RERE: variants seen among roughly 807,000 people sequenced by gnomAD.
The protein encoded by RERE is arginine-glutamic acid dipeptide repeats protein.
In RERE, 40 loss-of-function variants were observed where a neutral mutation model predicts 146.1. The observed-to-expected ratio is 0.27, with a 90% CI of 0.21 to 0.36. The LOEUF (loss-of-function observed/expected upper bound fraction) is 0.36. Ranked by LOEUF, RERE falls within the 10% of genes least tolerant of loss-of-function variation. The probability of loss-of-function intolerance (pLI) is 1.00; values close to 1 mark genes in which losing one functional copy is unlikely to be tolerated. For synonymous variants in RERE, 1,003 were observed against 866.0 expected (o/e 1.16, Z -2.78); for missense variants, 1,933 against 2,138.7 (o/e 0.90, Z 1.90).
intron 1 of RERE, among the ~76,000 whole-genome samples, chr1:8,784,134 C>T (rs971398319): frequency 3.3e-5 from 5 of 152,228 alleles, no homozygotes; most frequent in African/African-American, 7.2e-5. Context: ...GCTCCCACCA[C>T]GCTGTCTTCC....
intron 1 of RERE, among the ~76,000 whole-genome samples, chr1:8,811,463 G>T (rs1361379550): frequency 6.6e-6 from 1 of 152,172 alleles, no homozygotes; most frequent in African/African-American, 2.4e-5. Flanking sequence ...TTAGCCAGGT[G>T]TAGTGGTACA....
At chr1:8,525,742 A>T (rs1366483681) in intron 7 of RERE, 1 of 1,594,030 alleles carries the variant, frequency 6.3e-7, no homozygotes, top group African/African-American at 1.4e-5. Context: ...CGGTGAGGCC[A>T]GGGGAAGATA....
chr1:8,724,875 T>TTAAAAAAAAA (rs1639928997), intron 1 of RERE, among the ~76,000 whole-genome samples: 1 of 120,762 alleles, frequency 8.3e-6, no homozygotes, highest in Admixed American at 8.7e-5. Flanking sequence ...AGATACTTTG[T>TTAAAAAAAAA]AAAAAAAAAA....
At position 8,358,947 on chromosome 1, in the gene RERE, C is replaced by A. The variant is rs200323420; in HGVS notation, c.3619-31G>T. On this transcript the variant is annotated intron_variant, in intron 19 of 22. Transcript: ENST00000400908. ...GAAGGAAAAGAAAGCGTGAGGGGTC[C>A]CCCGAGCGCCTGGGGTCTCCGCTTG... 3.4e-4 allele frequency: 507 copies of A among 1,502,668 alleles called. 3 individuals carry two copies. Among genetic ancestry groups the A allele is most frequent in the South Asian group, 8.6e-4 (65 of 76,012 alleles). The allele number at this position is 1,502,668 out of a possible 1,614,324, so 93.1% of individuals were successfully genotyped here.
chr1:8,787,691 C>T (rs1438788798), intron 1 of RERE, among the ~76,000 whole-genome samples: 2 of 151,772 alleles, frequency 1.3e-5, no homozygotes, highest in Admixed American at 6.6e-5. Flanking sequence ...ATTAGCCAGG[C>T]GTCGTGGTGG....
chr1:8,534,089 T>C (rs992748624), intron 7 of RERE, among the ~76,000 whole-genome samples: 1 of 152,224 alleles, frequency 6.6e-6, no homozygotes, highest in Non-Finnish European at 1.5e-5. Context: ...CTTCAAAAGC[T>C]ACACAAAGAC....
At chr1:8,490,590 C>T (rs1180668151) in intron 10 of RERE, among the ~76,000 whole-genome samples, 1 of 150,150 alleles carries the variant, frequency 6.7e-6, no homozygotes, top group Non-Finnish European at 1.5e-5. Flanking sequence ...TATGCATATC[C>T]ATACAAGGGA....
chr1:8,556,650 C>G (rs1646011152), intron 5 of RERE, 79 bp from the exon 6 acceptor site: 2 of 835,114 alleles, frequency 2.4e-6, no homozygotes, highest in African/African-American at 3.4e-5. Context: ...ACTTTTCTTT[C>G]ACGTTTACCA....
rs145858968 is a variant in RERE at position 8,435,804 on chromosome 1, C to G, written c.1204-12997G>C. 1.7e-4 allele frequency among the ~76,000 whole-genome samples: 26 copies of G among 152,300 alleles called. No individual in the cohort carries two copies. The East Asian group carries it at 4.8e-3, about 28-fold the overall frequency. On this transcript the variant is annotated intron_variant, in intron 11 of 22. Transcript: ENST00000400908. ...CCTATATATACATCTCTGTCAGTGCCCCTCTGGGTCTAGATAATTACACTG... is the reference window on the plus strand; with the variant it reads ...CCTATATATACATCTCTGTCAGTGCGCCTCTGGGTCTAGATAATTACACTG...
chr1:8,358,529 G>C lies in RERE; in HGVS notation c.4006C>G (p.Pro1336Ala). ...GFEVKPPELD[P>A]LHPAANPMEH... ...ATGGGGTTGGCGGCTGGGTGCAGGG[G>C]GTCCAGCTCTGGGGGCTTCACCTCG... The change falls in exon 20 of 23, where the codon CCC (proline) becomes GCC (alanine). Residue 1336 changes from proline (P) to alanine (A), a missense_variant. Physicochemically the swap from Pro to Ala is conservative, Grantham distance 27. Around this residue, in one of 11 missense-constraint regions of RERE, gnomAD observed 1,255 missense variants for 1,153.8 expected, o/e 1.09. Transcript: ENST00000400908. The C allele has an allele frequency of 1.3e-6, 2 of 1,599,668 alleles. No homozygotes were observed. Among genetic ancestry groups the C allele is most frequent in the Non-Finnish European group, 1.7e-6 (2 of 1,173,836 alleles).
intron 12 of RERE, among the ~76,000 whole-genome samples, chr1:8,417,819 C>T (rs924150703): frequency 8.5e-5 from 13 of 152,234 alleles, no homozygotes; most frequent in African/African-American, 2.4e-5. Context: ...CTTATGCAAC[C>T]TCCTTTCCAA....
chr1:8,798,075 A>C (rs985872613), intron 1 of RERE, among the ~76,000 whole-genome samples: 1 of 152,202 alleles, frequency 6.6e-6, no homozygotes, highest in Admixed American at 6.5e-5. Context: ...CCTGGGAAAC[A>C]TAGCAAGACC....
intron 1 of RERE, among the ~76,000 whole-genome samples, chr1:8,699,717 A>G (rs1224726055): frequency 6.6e-6 from 1 of 152,194 alleles, no homozygotes; most frequent in African/African-American, 2.4e-5. Flanking sequence ...TTTCTATATA[A>G]GTTACAATGA....
chr1:8,769,276 C>T (rs1640902173), intron 1 of RERE, among the ~76,000 whole-genome samples: 1 of 152,050 alleles, frequency 6.6e-6, no homozygotes, highest in Non-Finnish European at 1.5e-5. Context: ...AAAACAAAAA[C>T]AATCATATAT....
chr1:8,491,588 A>ACT (rs1644980826), intron 10 of RERE, among the ~76,000 whole-genome samples: 1 of 152,208 alleles, frequency 6.6e-6, no homozygotes, highest in African/African-American at 2.4e-5. Flanking sequence ...ACTGCACTCC[A>ACT]GCCTGGGCAA....
At chr1:8,610,903 A>G (rs1177920860) in intron 4 of RERE, among the ~76,000 whole-genome samples, 1 of 151,688 alleles carries the variant, frequency 6.6e-6, no homozygotes, top group Non-Finnish European at 1.5e-5. Flanking sequence ...TTAAAAAAAA[A>G]AAAACCATAC....
In RERE at chr1:8,358,746, G is replaced by A. The variant is rs372354535; in HGVS notation, c.3789C>T (p.His1263=). The stretch of plus-strand genomic sequence containing the variant: ...GGTTGCGGTTGGTGGGCGACATGAC[G>A]TGGGGCCGGGCGTACTCGCTCAGAG... ...LRTLSEYARP[H]VMSPTNRNHP... The change falls in exon 20 of 23, where the codon CAC becomes CAT. Residue 1263 remains histidine (H), a synonymous_variant. Transcript: ENST00000400908. 61 of 1,609,958 alleles carry A rather than the reference G, an allele frequency of 3.8e-5. No homozygotes were observed. The highest frequency in any genetic ancestry group is 1.1e-4 in the South Asian group (10 of 90,510).
At chr1:8,673,050 C>A (rs966896178) in intron 1 of RERE, among the ~76,000 whole-genome samples, 14 of 152,166 alleles carry the variant, frequency 9.2e-5, no homozygotes, top group Non-Finnish European at 4.4e-5. Flanking sequence ...AACAGCCATA[C>A]ATTCAAGAAT....
At chr1:8,645,562 T>A (rs963617036) in intron 2 of RERE, among the ~76,000 whole-genome samples, 2 of 152,210 alleles carry the variant, frequency 1.3e-5, no homozygotes, top group Non-Finnish European at 2.9e-5. Context: ...CATCTTATTA[T>A]ATAAAACATG....
Sources: allele counts gnomAD v4.1 joint callset (sites outside exome capture counted in the v4.1 genomes callset), GRCh38; gene constraint gnomAD v4.1.1; regional missense constraint gnomAD v4.1.1; transcripts MANE v1.5; gene names NCBI Gene and HGNC (gene_info 2026-07-23, HGNC 2026-07-21).